The following SCG5 variants were observed in gnomAD, a reference collection of about 807,000 sequenced individuals.
SCG5 encodes secretogranin V, also known as neuroendocrine protein 7B2.
A neutral mutation model predicts 25.7 loss-of-function variants in SCG5; 18 were observed. The ratio of observed to expected loss-of-function variants is 0.70; its 90% CI spans 0.48 to 1.04. The LOEUF (loss-of-function observed/expected upper bound fraction) is 1.04, where lower values mean the gene tolerates loss of function less well. SCG5 is among the 50% of genes least tolerant of loss of function. The probability of loss-of-function intolerance (pLI) is 0.00; values close to 1 mark genes in which losing one functional copy is unlikely to be tolerated. For synonymous variants in SCG5, 101 were observed against 91.7 expected, an observed-to-expected ratio of 1.10 and a Z score of -0.58; for missense variants, 206 against 259.8, an observed-to-expected ratio of 0.79 and a Z score of 1.42.
intron 5 of SCG5, among the ~76,000 whole-genome samples, chr15:32,693,497 C>A (rs190542683): frequency 6.6e-6 from 1 of 152,208 alleles, no homozygotes; most frequent in African/African-American, 2.4e-5. Context: ...TAAGGAAGCA[C>A]GTTGGCCCTG....
chr15:32,668,594 C>T (rs1017370173), intron 2 of SCG5, among the ~76,000 whole-genome samples: 5 of 152,250 alleles, frequency 3.3e-5, no homozygotes, highest in African/African-American at 1.2e-4. Flanking sequence ...CCACTCCCAC[C>T]TCATCCCATC....
rs115906078 is a variant in SCG5, at chr15:32,681,409, C to T, written c.376+1494C>T. On this transcript the variant is annotated intron_variant, in intron 3 of 5. Transcript: ENST00000300175. ...TCTACCTGATTAAGGACTGTGTACT[C>T]AACCACCAGGACATACTGCCTTGCT... 1.9e-3 allele frequency among the ~76,000 whole-genome samples: 296 copies of T among 152,194 alleles called. 3 individuals are homozygous for T. The highest frequency in any genetic ancestry group is 6.9e-3 in the African/African-American group (287 of 41,548).
At chr15:32,692,535 C>G (rs2054877696) in intron 5 of SCG5, among the ~76,000 whole-genome samples, 1 of 152,172 alleles carries the variant, frequency 6.6e-6, no homozygotes, top group African/African-American at 2.4e-5. Flanking sequence ...CCTTACTAGT[C>G]AGAAGGGCCT....
intron 2 of SCG5, among the ~76,000 whole-genome samples, chr15:32,650,300 AC>A (rs2054013707): frequency 6.6e-6 from 1 of 151,926 alleles, no homozygotes; most frequent in Non-Finnish European, 1.5e-5. Flanking sequence ...ACGGGGTTTC[AC>A]CATGTTAGCC....
chr15:32,667,501 C>T (rs1223820231), intron 2 of SCG5, among the ~76,000 whole-genome samples: 1 of 152,216 alleles, frequency 6.6e-6, no homozygotes, highest in Non-Finnish European at 1.5e-5. Context: ...GAGCGTATTG[C>T]CGGAGGCACC....
At position 32,696,665 on chromosome 15, in the gene SCG5, G is replaced by A; in HGVS notation, c.*56G>A. The A allele has an allele frequency of 9.4e-7, 1 of 1,068,984 alleles. No homozygotes were observed. The highest frequency in any genetic ancestry group is 2.4e-5 in the East Asian group (1 of 41,538). 66.2% of individuals were successfully genotyped at this position (1,068,984 alleles called of 1,614,324 possible). On this transcript the variant is annotated 3_prime_UTR_variant, in exon 6 of 6. Coordinates refer to ENST00000300175, the MANE Select transcript of SCG5 (RefSeq NM_001144757.3). ...CCTGTTAGGCCTCAGCATGGCTTAT[G>A]TGCACGTGTAAATGGAGTCCCTGTG...
chr15:32,674,166 C>G (rs2054492175), intron 2 of SCG5, among the ~76,000 whole-genome samples: 1 of 152,136 alleles, frequency 6.6e-6, no homozygotes, highest in Admixed American at 6.5e-5. Context: ...AAGTATTTAC[C>G]TAATGTTCAT....
At chr15:32,672,669 A>T (rs1461523541) in intron 2 of SCG5, among the ~76,000 whole-genome samples, 2 of 152,104 alleles carry the variant, frequency 1.3e-5, no homozygotes, top group African/African-American at 2.4e-5. Context: ...ACGGAAACGC[A>T]CTGGAAAGGG....
At chr15:32,694,779 C>T (rs1475598471) in intron 5 of SCG5, among the ~76,000 whole-genome samples, 1 of 152,206 alleles carries the variant, frequency 6.6e-6, no homozygotes, top group Non-Finnish European at 1.5e-5. Context: ...TAGAGTGAGT[C>T]GGACCTTTCA....
intron 2 of SCG5, among the ~76,000 whole-genome samples, chr15:32,672,464 C>G (rs1463565104): frequency 6.6e-6 from 1 of 152,234 alleles, no homozygotes; most frequent in East Asian, 1.9e-4. Context: ...GGTGGGCACT[C>G]AGGTGCGAAG....
intron 2 of SCG5, among the ~76,000 whole-genome samples, chr15:32,646,125 A>G (rs1224464927): frequency 6.6e-6 from 1 of 152,202 alleles, no homozygotes; most frequent in African/African-American, 2.4e-5. Context: ...TAACATAGCA[A>G]TCTTAAGTCT....
intron 2 of SCG5, among the ~76,000 whole-genome samples, chr15:32,676,208 C>T (rs1013375477): frequency 2.0e-5 from 3 of 152,158 alleles, no homozygotes; most frequent in Non-Finnish European, 4.4e-5. Context: ...GTTTCTTGAT[C>T]TGACATCATT....
chr15:32,694,119 C>T (rs1257997537), intron 5 of SCG5, among the ~76,000 whole-genome samples: 2 of 151,986 alleles, frequency 1.3e-5, no homozygotes. Flanking sequence ...CAAAACAAAG[C>T]AAAACAAAAC....
intron 4 of SCG5, among the ~76,000 whole-genome samples, chr15:32,687,901 A>AT (rs577997533): frequency 4.5e-4 from 68 of 152,372 alleles, no homozygotes; most frequent in African/African-American, 1.6e-3. Flanking sequence ...TACATAATAC[A>AT]TAATACTATA....
chr15:32,663,067 ATAT>A (rs2054257975), intron 2 of SCG5, among the ~76,000 whole-genome samples: 1 of 52,360 alleles, frequency 1.9e-5, no homozygotes, highest in Admixed American at 1.7e-4. Context: ...ATATATATAT[ATAT>A]ATATATATAA....
chr15:32,643,611 T>C lies in SCG5; in HGVS notation c.19T>C (p.Ser7Pro), dbSNP rs1273467494. 6.2e-7 allele frequency: 1 copy of C among 1,613,974 alleles called. No individual in the cohort carries two copies. Among genetic ancestry groups the C allele is most frequent in the East Asian group, 2.2e-5 (1 of 44,884 alleles). Reference protein sequence around the residue: MVSRMVSTMLSGLLFWL... With the variant: MVSRMVPTMLSGLLFWL... ...GTTGACAATGGTCTCCAGGATGGTC[T>C]CTACCATGCTATCTGGCCTACTGTT... Residue 7 changes from serine to proline, a missense_variant, in exon 2 of 6, where the codon TCT becomes CCT. Coordinates refer to ENST00000300175, the MANE Select transcript of SCG5 (RefSeq NM_001144757.3).
chr15:32,686,932 A>C (rs1264152337), intron 4 of SCG5, among the ~76,000 whole-genome samples: 2 of 152,222 alleles, frequency 1.3e-5, no homozygotes, highest in East Asian at 1.9e-4. Context: ...ACAAGGGTAG[A>C]GGAAGATCCA....
At chr15:32,686,867 T>A (rs564861667) in intron 4 of SCG5, among the ~76,000 whole-genome samples, 1 of 152,288 alleles carries the variant, frequency 6.6e-6, no homozygotes, top group African/African-American at 2.4e-5. Flanking sequence ...ACCGCTCCAC[T>A]TCATGTTTCG....
chr15:32,673,267 T>C (rs1397285209), intron 2 of SCG5: 1 of 152,216 alleles, frequency 6.6e-6, no homozygotes, highest in Non-Finnish European at 1.5e-5. Flanking sequence ...AACTGCAGAC[T>C]TTTAAGAAGG....
Sources: allele counts gnomAD v4.1 joint callset (sites outside exome capture counted in the v4.1 genomes callset), GRCh38; gene constraint gnomAD v4.1.1; transcripts MANE v1.5; gene names NCBI Gene and HGNC (gene_info 2026-07-23, HGNC 2026-07-21).